Variants in PTK7 observed in about 807,000 individuals in gnomAD.
The protein encoded by PTK7 is inactive tyrosine-protein kinase 7.
A neutral mutation model predicts 116.6 loss-of-function variants in PTK7; 39 were observed. The ratio of observed to expected loss-of-function variants is 0.33; its 90% CI spans 0.26 to 0.44. The LOEUF is 0.44. PTK7 is among the 20% of genes least tolerant of loss of function. The pLI is 1.00. For missense variants in PTK7, 1,169 were observed against 1,425.6 expected (o/e 0.82, Z 2.90); for synonymous variants, 546 against 563.6 (o/e 0.97, Z 0.44).
intron 1 of PTK7, among the ~76,000 whole-genome samples, chr6:43,122,756 G>A (rs183102964): frequency 3.3e-5 from 5 of 152,148 alleles, no homozygotes; most frequent in Admixed American, 6.5e-5. Context: ...ATAGGCACGC[G>A]CCACCATGCC....
chr6:43,079,006 G>T (rs1766215387), intron 1 of PTK7, among the ~76,000 whole-genome samples: 2 of 152,192 alleles, frequency 1.3e-5, no homozygotes, highest in Admixed American at 6.5e-5. Flanking sequence ...TGGGAAGTAT[G>T]GTGGCAGGGC....
At chr6:43,157,364 A>ATATATTT (rs70990168) in intron 17 of PTK7, among the ~76,000 whole-genome samples, 2 of 54,362 alleles carry the variant, frequency 3.7e-5, no homozygotes, top group Non-Finnish European at 6.5e-5. Context: ...ATATATATAT[A>ATATATTT]TTTTTTTTTT....
chr6:43,131,328 C>G (rs1237417225), intron 5 of PTK7, among the ~76,000 whole-genome samples: 1 of 151,232 alleles, frequency 6.6e-6, no homozygotes, highest in South Asian at 2.1e-4. Flanking sequence ...CAACGTGGCC[C>G]TGTGGGAAGG....
chr6:43,094,787 T>C (rs1767149066), intron 1 of PTK7, among the ~76,000 whole-genome samples: 2 of 151,874 alleles, frequency 1.3e-5, no homozygotes, highest in African/African-American at 4.8e-5. Context: ...CACAAAATTG[T>C]TTTTTAAAAT....
In PTK7 at chr6:43,144,480, G is replaced by A; in HGVS notation, c.2281G>A (p.Ala761Thr). The A allele has an allele frequency of 6.2e-7, 1 of 1,614,110 alleles. No individual in the cohort carries two copies. Among genetic ancestry groups the A allele is most frequent in the Non-Finnish European group, 8.5e-7 (1 of 1,180,004 alleles). ...GGPLQNGQPS[A>T]EIQEEVALTS... is the part of the protein sequence containing the mutation. The stretch of plus-strand genomic sequence containing the variant: ...GCCTTTGCAGAACGGGCAGCCCTCA[G>A]CAGAGATCCAAGAAGAAGTGGCCTT... Residue 761 changes from alanine (A) to threonine (T), a missense_variant, in exon 15 of 20, where the codon GCA becomes ACA. Physicochemically the swap from Ala to Thr is moderately conservative, Grantham distance 58. Around this residue, in one of 3 missense-constraint regions of PTK7, gnomAD observed 678 missense variants for 853.8 expected, o/e 0.79. Coordinates refer to ENST00000230419, the MANE Select transcript of PTK7 (RefSeq NM_002821.5).
chr6:43,156,756 C>T (rs189319302), intron 17 of PTK7, among the ~76,000 whole-genome samples: 158 of 151,932 alleles, frequency 1.0e-3, no homozygotes, highest in African/African-American at 3.7e-3. Flanking sequence ...ATTAGCTAGG[C>T]GTGGTAGTGC....
Position 43,093,183 on chromosome 6 carries a change from CT to C in PTK7, c.79+16639del, listed in dbSNP as rs72414606. ...AGTGACTCTCTAATGATAGGATCTC[CT>C]TTTTTTTTTTTTTTTTTTTTTTGAG... On this transcript the variant is annotated intron_variant, in intron 1 of 19. Coordinates refer to ENST00000230419, the MANE Select transcript of PTK7 (RefSeq NM_002821.5). Among the ~76,000 whole-genome samples, 790 of 84,752 alleles carry C rather than the reference CT, an allele frequency of 9.3e-3. 5 individuals carry two copies. Among genetic ancestry groups the C allele is most frequent in the Admixed American group, 0.013 (93 of 6,984 alleles). The allele number at this position is 84,752 out of a possible 152,430, so 55.6% of individuals were successfully genotyped here.
chr6:43,115,050 A>G (rs1185414742), intron 1 of PTK7, among the ~76,000 whole-genome samples: 1 of 151,870 alleles, frequency 6.6e-6, no homozygotes. Context: ...CTCAAAAAAA[A>G]AAAAACTTTA....
intron 17 of PTK7, among the ~76,000 whole-genome samples, chr6:43,148,587 TC>T (rs1770859581): frequency 6.6e-6 from 1 of 152,110 alleles, no homozygotes; most frequent in African/African-American, 2.4e-5. Flanking sequence ...TGACAGGAAG[TC>T]AGTTACCTTT....
chr6:43,123,352 T>G (rs1449039246), intron 1 of PTK7, among the ~76,000 whole-genome samples: 1 of 152,164 alleles, frequency 6.6e-6, no homozygotes, highest in African/African-American at 2.4e-5. Flanking sequence ...TGGGGGTGTT[T>G]TTCCTAAACC....
intron 18 of PTK7, 55 bp from the exon 19 acceptor site, chr6:43,159,731 GCA>G: frequency 1.3e-6 from 2 of 1,562,320 alleles, no homozygotes; most frequent in Non-Finnish European, 1.8e-6. Context: ...AGATGAGGGT[GCA>G]GCGCCAGGCC....
chr6:43,142,446 C>CACA, intron 13 of PTK7, 147 bp downstream of exon 13: 1 of 1,246,854 alleles, frequency 8.0e-7, no homozygotes. Context: ...TGCTGCTGCA[C>CACA]AGTCTTAGAG....
At chr6:43,138,123 G>A (rs181187285) in intron 7 of PTK7, among the ~76,000 whole-genome samples, 11 of 151,948 alleles carry the variant, frequency 7.2e-5, no homozygotes, top group African/African-American at 2.7e-4. Context: ...TTACTTCTTT[G>A]AACATCTGTT....
At chr6:43,120,571 C>T (rs1768898959) in intron 1 of PTK7, among the ~76,000 whole-genome samples, 1 of 152,164 alleles carries the variant, frequency 6.6e-6, no homozygotes, top group African/African-American at 2.4e-5. Context: ...ACTCTTAATC[C>T]CTCCCAGGCC....
intron 1 of PTK7, among the ~76,000 whole-genome samples, chr6:43,126,385 C>A (rs749323379): frequency 5.8e-4 from 89 of 152,278 alleles, no homozygotes; most frequent in Non-Finnish European, 1.0e-3. Context: ...ACTGGGGACT[C>A]AGTCTGATTC....
intron 1 of PTK7, among the ~76,000 whole-genome samples, chr6:43,114,660 G>GC (rs1383891062): frequency 6.6e-6 from 1 of 151,992 alleles, no homozygotes; most frequent in Admixed American, 6.6e-5. Context: ...GATTGCATCA[G>GC]CCACCCCTAG....
intron 7 of PTK7, among the ~76,000 whole-genome samples, chr6:43,138,195 T>A (rs1770160415): frequency 6.6e-6 from 1 of 151,846 alleles, no homozygotes; most frequent in Non-Finnish European, 1.5e-5. Context: ...TTTTGTTTTT[T>A]TAGAGATGGG....
chr6:43,132,742 G>T (rs1430725316), intron 7 of PTK7, 55 bp downstream of exon 7: 2 of 1,550,286 alleles, frequency 1.3e-6, no homozygotes, highest in Admixed American at 3.9e-5. Flanking sequence ...ACAGGTCTGG[G>T]TGTGATGGAC....
intron 1 of PTK7, among the ~76,000 whole-genome samples, chr6:43,091,912 G>A (rs1342509062): frequency 1.3e-5 from 2 of 152,092 alleles, no homozygotes; most frequent in Non-Finnish European, 2.9e-5. Context: ...GCCTAGGCTG[G>A]AGTGCAGTGG....
Sources: allele counts gnomAD v4.1 joint callset (sites outside exome capture counted in the v4.1 genomes callset), GRCh38; gene constraint gnomAD v4.1.1; regional missense constraint gnomAD v4.1.1; transcripts MANE v1.5; gene names NCBI Gene and HGNC (gene_info 2026-07-23, HGNC 2026-07-21).